PI4KA: variants seen among roughly 807,000 people sequenced by gnomAD.
PI4KA encodes PI4-kinase alpha.
PI4KA carries 122 observed loss-of-function variants against 271.4 expected under a neutral mutation model. That is an observed-to-expected ratio of 0.45 (90% CI 0.39 to 0.52). The LOEUF is 0.52. Ranked by LOEUF, PI4KA falls within the 20% of genes least tolerant of loss-of-function variation. PI4KA has a pLI of 0.00. For missense variants in PI4KA, 1,969 were observed against 2,769.1 expected, an observed-to-expected ratio of 0.71 and a Z score of 6.48; for synonymous variants, 1,041 against 1,078.8, an observed-to-expected ratio of 0.96 and a Z score of 0.69.
intron 19 of PI4KA, among the ~76,000 whole-genome samples, chr22:20,789,415 C>T (rs973621459): frequency 6.6e-6 from 1 of 152,124 alleles, no homozygotes; most frequent in Non-Finnish European, 1.5e-5. Flanking sequence ...CTGCAACCTC[C>T]GCCTCCTGGG....
chr22:20,772,452 C>T (rs1932918896), intron 19 of PI4KA, among the ~76,000 whole-genome samples: 2 of 152,202 alleles, frequency 1.3e-5, no homozygotes, highest in Non-Finnish European at 2.9e-5. Flanking sequence ...ACGCTGAAGA[C>T]TCAGTATTGT....
intron 18 of PI4KA, among the ~76,000 whole-genome samples, chr22:20,794,753 G>A (rs562073773): frequency 2.2e-4 from 33 of 152,102 alleles, no homozygotes; most frequent in African/African-American, 7.2e-4. Flanking sequence ...TGTCTGTCTC[G>A]TTCACTTCTG....
intron 1 of PI4KA, among the ~76,000 whole-genome samples, chr22:20,847,750 G>A: frequency 9.1e-6 from 1 of 109,920 alleles, no homozygotes. Flanking sequence ...GTGAGACCCT[G>A]TTTCAAAAAA....
chr22:20,713,679 G>A (rs2147176238), intron 47 of PI4KA, among the ~76,000 whole-genome samples: 1 of 152,336 alleles, frequency 6.6e-6, no homozygotes, highest in East Asian at 1.9e-4. Context: ...GGTCAGTGTT[G>A]GGTGCTGTGA....
chr22:20,785,560 G>A (rs994304788), intron 19 of PI4KA, among the ~76,000 whole-genome samples: 4 of 152,100 alleles, frequency 2.6e-5, no homozygotes, highest in African/African-American at 9.7e-5. Flanking sequence ...GTAAGTTGAG[G>A]CAAAGATTGA....
chr22:20,818,962 A>G (rs1922211534), intron 6 of PI4KA, among the ~76,000 whole-genome samples: 1 of 152,208 alleles, frequency 6.6e-6, no homozygotes, highest in Non-Finnish European at 1.5e-5. Context: ...CCTGTAGGGT[A>G]TTTGATGTTT....
At chr22:20,839,624 G>GT (rs1207537372) in intron 1 of PI4KA, among the ~76,000 whole-genome samples, 2 of 152,232 alleles carry the variant, frequency 1.3e-5, no homozygotes, top group African/African-American at 4.8e-5. Context: ...GAGGTCAGAA[G>GT]TTTGAGACCA....
intron 1 of PI4KA, among the ~76,000 whole-genome samples, chr22:20,857,176 A>G (rs1197828644): frequency 1.3e-5 from 2 of 152,220 alleles, no homozygotes; most frequent in Non-Finnish European, 2.9e-5. Flanking sequence ...AGAAGATAGC[A>G]AAGTATCAGA....
chr22:20,798,553 T>C, intron 17 of PI4KA, 31 bp downstream of exon 17: 3 of 1,242,944 alleles, frequency 2.4e-6, no homozygotes, highest in Non-Finnish European at 3.6e-6. Context: ...AATACTGTCA[T>C]GATAAAAAAG....
chr22:20,817,075 A>G (rs1382787799), intron 7 of PI4KA, among the ~76,000 whole-genome samples: 1 of 152,186 alleles, frequency 6.6e-6, no homozygotes, highest in Non-Finnish European at 1.5e-5. Flanking sequence ...AGTGGCTGAA[A>G]TTAGCTCTTA....
chr22:20,753,020 G>A lies in PI4KA; in HGVS notation c.2870C>T (p.Thr957Ile), dbSNP rs758045441. 1 of 1,614,200 alleles carries A rather than the reference G, an allele frequency of 6.2e-7. No homozygotes were observed. Among genetic ancestry groups the A allele is most frequent in the Middle Eastern group, 1.6e-4 (1 of 6,062 alleles). Reference protein sequence around the residue: ...FLNMMADKAKTKENEEELERH... With the variant: ...FLNMMADKAKIKENEEELERH... Reference sequence around the variant, plus strand: ...CTCCAGCTCCTCCTCGTTCTCCTTGGTCTTGGCCTAGAGATGCAAAAGAAA... The same window carrying A: ...CTCCAGCTCCTCCTCGTTCTCCTTGATCTTGGCCTAGAGATGCAAAAGAAA... Residue 957 changes from threonine to isoleucine, a missense_variant, in exon 25 of 55, where the codon ACC becomes ATC. By Grantham distance (89) the Thr-to-Ile change is moderately conservative. Around this residue, in one of 13 missense-constraint regions of PI4KA, gnomAD observed 368 missense variants for 544.3 expected, o/e 0.68. Coordinates refer to ENST00000255882, the MANE Select transcript of PI4KA (RefSeq NM_058004.4).
intron 6 of PI4KA, among the ~76,000 whole-genome samples, chr22:20,818,824 T>C (rs1006879241): frequency 2.8e-4 from 43 of 152,256 alleles, no homozygotes; most frequent in Admixed American, 2.2e-3. Context: ...GAGTCAATTA[T>C]ATACTTCTTA....
intron 30 of PI4KA, among the ~76,000 whole-genome samples, chr22:20,743,518 C>T (rs1044892750): frequency 2.0e-5 from 3 of 151,760 alleles, no homozygotes; most frequent in Admixed American, 6.6e-5. Context: ...TGCAGTGGTG[C>T]GATCATAGTT....
intron 23 of PI4KA, among the ~76,000 whole-genome samples, chr22:20,755,079 G>A (rs1223712950): frequency 1.3e-5 from 2 of 152,232 alleles, no homozygotes; most frequent in African/African-American, 4.8e-5. Context: ...ATGAGCCACC[G>A]TGCCCAGCCT....
In PI4KA at chr22:20,802,141, G is replaced by A. The variant is rs368165340; in HGVS notation, c.1592-36C>T. 6 of 1,592,712 alleles carry A rather than the reference G, an allele frequency of 3.8e-6. No individual in the cohort carries two copies. In the African/African-American group the frequency reaches 5.4e-5, roughly 14 times the overall value. ...AAAATTCAAATATATACCTAGTTAG[G>A]CCTATCATTTTCCATCACCTTCTTT... On this transcript the variant is annotated intron_variant, in intron 13 of 54. Coordinates refer to ENST00000255882, the MANE Select transcript of PI4KA (RefSeq NM_058004.4).
intron 1 of PI4KA, among the ~76,000 whole-genome samples, chr22:20,857,925 C>A (rs1283877977): frequency 6.6e-6 from 1 of 152,220 alleles, no homozygotes; most frequent in African/African-American, 2.4e-5. Flanking sequence ...ATTCCAAGTT[C>A]ACTTCTCTGC....
At chr22:20,731,908 G>A (rs568547031) in intron 36 of PI4KA, among the ~76,000 whole-genome samples, 5 of 148,910 alleles carry the variant, frequency 3.4e-5, no homozygotes, top group South Asian at 2.1e-4. Flanking sequence ...CAGCCTGGGC[G>A]ACAGAGTGAG....
chr22:20,812,513 C>G (rs1033456446), intron 8 of PI4KA, among the ~76,000 whole-genome samples: 3 of 152,082 alleles, frequency 2.0e-5, no homozygotes, highest in African/African-American at 7.2e-5. Flanking sequence ...TGTCTTGAAC[C>G]ATCCTAGCTT....
chr22:20,834,390 T>C (rs1303710244), intron 3 of PI4KA, among the ~76,000 whole-genome samples, 172 bp downstream of exon 3: 1 of 152,212 alleles, frequency 6.6e-6, no homozygotes, highest in Admixed American at 6.5e-5. Flanking sequence ...ATCCATGGGC[T>C]GTGGCCAACA....
Sources: gnomAD v4.1 joint callset for allele counts (sites outside exome capture counted in the v4.1 genomes callset) on GRCh38, gnomAD v4.1.1 for gene constraint, gnomAD v4.1.1 regional missense constraint, MANE v1.5 for transcripts, NCBI Gene and HGNC (gene_info 2026-07-23, HGNC 2026-07-21) for gene names.